The following SNTG2 variants were observed in gnomAD, a reference collection of about 807,000 sequenced individuals.
The protein encoded by SNTG2 is gamma-2-syntrophin.
In SNTG2, 74 loss-of-function variants were observed where a neutral mutation model predicts 70.9. The observed-to-expected ratio is 1.04, with a 90% CI of 0.86 to 1.27. The LOEUF (loss-of-function observed/expected upper bound fraction) is 1.27, where lower values mean the gene tolerates loss of function less well. SNTG2 is among the 50% of genes most tolerant of loss of function. The probability of loss-of-function intolerance (pLI) is 0.00; values close to 1 mark genes in which losing one functional copy is unlikely to be tolerated. For synonymous variants in SNTG2, 278 were observed against 273.8 expected, an observed-to-expected ratio of 1.02 and a Z score of -0.15; for missense variants, 717 against 690.7, an observed-to-expected ratio of 1.04 and a Z score of -0.43.
chr2:1,209,033 T>C, intron 8 of SNTG2, 70 bp from the exon 9 acceptor site: 2 of 1,580,098 alleles, frequency 1.3e-6, no homozygotes, highest in East Asian at 4.5e-5. Flanking sequence ...TCCAGGTGCC[T>C]GCAGATGCCT....
intron 4 of SNTG2, among the ~76,000 whole-genome samples, chr2:1,110,681 C>T (rs920002439): frequency 2.0e-5 from 3 of 152,210 alleles, no homozygotes; most frequent in African/African-American, 4.8e-5. Context: ...CTCCTCACAC[C>T]GCTGGGCCTT....
At chr2:1,263,287 A>G (rs1038103302) in intron 13 of SNTG2, among the ~76,000 whole-genome samples, 1 of 152,218 alleles carries the variant, frequency 6.6e-6, no homozygotes, top group Admixed American at 6.5e-5. Context: ...CTATAAATTT[A>G]TACAGTTATA....
At chr2:1,247,265 C>A in intron 11 of SNTG2, 62 bp from the exon 12 acceptor site, 1 of 1,028,568 alleles carries the variant, frequency 9.7e-7, no homozygotes, top group African/African-American at 1.6e-5. Context: ...ATGTGCTTAA[C>A]TCTGCTGCTG....
chr2:1,342,147 G>C (rs1018479737), intron 16 of SNTG2, among the ~76,000 whole-genome samples: 5 of 152,226 alleles, frequency 3.3e-5, no homozygotes, highest in Non-Finnish European at 7.3e-5. Context: ...TTCGTAGCAA[G>C]TCCTCTGTGA....
At chr2:1,245,888 C>T (rs918299483) in intron 11 of SNTG2, among the ~76,000 whole-genome samples, 3 of 152,092 alleles carry the variant, frequency 2.0e-5, no homozygotes, top group South Asian at 4.1e-4. Flanking sequence ...GTAATTCTCA[C>T]GTGAGATCTA....
intron 9 of SNTG2, among the ~76,000 whole-genome samples, chr2:1,221,443 GT>G (rs1674800052): frequency 9.8e-5 from 9 of 91,718 alleles, no homozygotes; most frequent in African/African-American, 4.2e-4. Context: ...CTCTGTCTCT[GT>G]CTCTGTCTCT....
chr2:970,602 C>T (rs74773768), intron 1 of SNTG2, among the ~76,000 whole-genome samples: 1 of 143,734 alleles, frequency 7.0e-6, no homozygotes, highest in Non-Finnish European at 1.5e-5. Context: ...ATGAACTCAT[C>T]ATTTTTTATG....
rs765211724 is a variant in SNTG2, at chr2:1,237,966, C to T, written c.798C>T (p.Thr266=). The T allele has an allele frequency of 2.4e-5, 39 of 1,609,790 alleles. No homozygotes were observed. The highest frequency in any genetic ancestry group is 3.4e-5 in the Admixed American group (2 of 59,618). The change falls in exon 10 of 17, where the codon ACC becomes ACT. Residue 266 remains threonine (T), a synonymous_variant. Transcript: ENST00000308624. ...ILRFYTAQDG[T]DWLRAVSANI... Reference sequence around the variant, plus strand: ...GGTTTTACACAGCCCAGGATGGCACCGACTGGCTGCGGGCGGTCTCAGCCA... The same window carrying T: ...GGTTTTACACAGCCCAGGATGGCACTGACTGGCTGCGGGCGGTCTCAGCCA...
At chr2:1,324,417 A>G (rs1681678555) in intron 16 of SNTG2, among the ~76,000 whole-genome samples, 3 of 152,208 alleles carry the variant, frequency 2.0e-5, no homozygotes, top group South Asian at 4.1e-4. Flanking sequence ...TAGTGCATAT[A>G]AGGATTTTAA....
intron 1 of SNTG2, among the ~76,000 whole-genome samples, chr2:1,061,193 A>G (rs774952448): frequency 5.9e-5 from 9 of 152,244 alleles, no homozygotes; most frequent in Admixed American, 2.6e-4. Flanking sequence ...TGGAGTGGAA[A>G]GAATGACAAA....
chr2:1,174,328 G>T (rs1234101600), intron 8 of SNTG2, among the ~76,000 whole-genome samples: 1 of 151,164 alleles, frequency 6.6e-6, no homozygotes, highest in Non-Finnish European at 1.5e-5. Context: ...TCATTTTATT[G>T]CAAGGCTTAT....
intron 1 of SNTG2, among the ~76,000 whole-genome samples, chr2:999,760 A>T (rs557179862): frequency 6.6e-6 from 1 of 151,988 alleles, no homozygotes; most frequent in African/African-American, 2.4e-5. Context: ...TAGCGGACTA[A>T]AATTTGTGGA....
At chr2:1,242,372 C>A (rs867456414) in intron 11 of SNTG2, among the ~76,000 whole-genome samples, 26 of 152,196 alleles carry the variant, frequency 1.7e-4, no homozygotes, top group Admixed American at 3.3e-4. Flanking sequence ...AGGTGTTTAA[C>A]AACCACTGAA....
chr2:1,067,855 C>G (rs370091222), intron 1 of SNTG2, among the ~76,000 whole-genome samples: 4 of 152,154 alleles, frequency 2.6e-5, no homozygotes, highest in African/African-American at 9.7e-5. Flanking sequence ...GGCTTCTGTA[C>G]GCAAACCCCA....
At chr2:1,014,627 CAG>C (rs1438059912) in intron 1 of SNTG2, among the ~76,000 whole-genome samples, 1 of 123,206 alleles carries the variant, frequency 8.1e-6, no homozygotes, top group Non-Finnish European at 1.8e-5. Context: ...TTTATAAGGA[CAG>C]AGAGAAGGGT....
chr2:1,227,536 C>G (rs1301290289), intron 9 of SNTG2, among the ~76,000 whole-genome samples: 3 of 152,186 alleles, frequency 2.0e-5, no homozygotes, highest in Non-Finnish European at 4.4e-5. Flanking sequence ...TGAGCTCGTC[C>G]GCTCCGCCAC....
chr2:1,309,316 A>T (rs959780053), intron 15 of SNTG2, among the ~76,000 whole-genome samples: 3 of 152,174 alleles, frequency 2.0e-5, no homozygotes, highest in Non-Finnish European at 4.4e-5. Context: ...GAACCTTTGG[A>T]TGCCCTCTGC....
At chr2:1,000,177 A>G (rs1257989739) in intron 1 of SNTG2, among the ~76,000 whole-genome samples, 1 of 151,944 alleles carries the variant, frequency 6.6e-6, no homozygotes, top group Admixed American at 6.5e-5. Flanking sequence ...CTGCATGAAA[A>G]AATAGAAATA....
chr2:978,439 A>T (rs746181917), intron 1 of SNTG2, among the ~76,000 whole-genome samples: 7 of 152,208 alleles, frequency 4.6e-5, no homozygotes, highest in Non-Finnish European at 8.8e-5. Context: ...TTTAATTATT[A>T]TCCAACAAGG....
Sources: allele counts gnomAD v4.1 joint callset (sites outside exome capture counted in the v4.1 genomes callset), GRCh38; gene constraint gnomAD v4.1.1; transcripts MANE v1.5; gene names NCBI Gene and HGNC (gene_info 2026-07-23, HGNC 2026-07-21).